GRM5: variants seen among roughly 807,000 people sequenced by gnomAD.
GRM5 encodes the protein metabotropic glutamate receptor 5.
In GRM5, 19 loss-of-function variants were observed where a neutral mutation model predicts 83.1. That is an observed-to-expected ratio of 0.23 (90% CI 0.16 to 0.34). GRM5 has a LOEUF of 0.34. Ranked by LOEUF, GRM5 falls within the 10% of genes least tolerant of loss-of-function variation. GRM5 has a pLI of 1.00. For synonymous variants in GRM5, 675 were observed against 633.6 expected, an observed-to-expected ratio of 1.07 and a Z score of -0.98; for missense variants, 1,160 against 1,588.3, an observed-to-expected ratio of 0.73 and a Z score of 4.58.
intron 2 of GRM5, among the ~76,000 whole-genome samples, chr11:89,022,942 G>A (rs990323451): frequency 3.3e-5 from 5 of 152,140 alleles, no homozygotes; most frequent in African/African-American, 1.2e-4. Flanking sequence ...TGTTTAAAAT[G>A]TCTCATCCCC....
chr11:88,908,879 T>C (rs1459379887), intron 2 of GRM5, among the ~76,000 whole-genome samples: 2 of 152,150 alleles, frequency 1.3e-5, no homozygotes, highest in East Asian at 1.9e-4. Flanking sequence ...TATATGCATA[T>C]GGTGGTCCCT....
intron 3 of GRM5, among the ~76,000 whole-genome samples, chr11:88,716,808 C>T (rs947889643): frequency 6.6e-6 from 1 of 151,310 alleles, no homozygotes; most frequent in Non-Finnish European, 1.5e-5. Context: ...TTGAGAAGTA[C>T]TTACCATTCT....
chr11:88,889,095 G>T (rs1305346378), intron 2 of GRM5, among the ~76,000 whole-genome samples: 2 of 152,162 alleles, frequency 1.3e-5, no homozygotes, highest in Non-Finnish European at 2.9e-5. Flanking sequence ...CAAGGGCAGG[G>T]TTTACAAAAT....
rs568831990 is a variant in GRM5 at position 88,905,276 on chromosome 11, G to C, written c.662-55121C>G. On this transcript the variant is annotated intron_variant, in intron 2 of 9. Transcript: ENST00000305447. ...GGTCGGAAAGCAGGAGCCTGCCAAA[G>C]AGCAAAAGATAGGCCCGTGTGGACA... Among the ~76,000 whole-genome samples, 3 of 152,288 alleles carry C rather than the reference G, an allele frequency of 2.0e-5. No individual in the cohort carries two copies. In the South Asian group the frequency reaches 6.2e-4, roughly 32 times the overall value.
rs77666337 is a variant in GRM5, at chr11:88,723,668, C to G, written c.912-70265G>C. 5.4e-3 allele frequency among the ~76,000 whole-genome samples: 824 copies of G among 152,068 alleles called. 12 individuals carry two copies. In the East Asian group the frequency reaches 0.061, roughly 11 times the overall value. On this transcript the variant is annotated intron_variant, in intron 3 of 9. Coordinates refer to ENST00000305447, the MANE Select transcript of GRM5 (RefSeq NM_001143831.3). ...TAACAACTTTTCACTGTGGAACATTCCTTCCCCTTATCATTGAGGTTTTAA... is the reference window on the plus strand; with the variant it reads ...TAACAACTTTTCACTGTGGAACATTGCTTCCCCTTATCATTGAGGTTTTAA...
At chr11:88,705,850 C>T (rs4491229) in intron 3 of GRM5, among the ~76,000 whole-genome samples, 28,072 of 151,894 alleles carry the variant, frequency 0.18, 5,060 homozygotes, top group African/African-American at 0.46. Flanking sequence ...CTCCATCTCT[C>T]AACTTATGAC....
At chr11:88,800,402 G>T (rs568760266) in intron 3 of GRM5, among the ~76,000 whole-genome samples, 1 of 137,624 alleles carries the variant, frequency 7.3e-6, no homozygotes. Flanking sequence ...TTCTTTCATG[G>T]TTCTACAGTA....
intron 1 of GRM5, among the ~76,000 whole-genome samples, chr11:89,059,654 G>A (rs1489549643): frequency 2.6e-5 from 4 of 152,112 alleles, no homozygotes; most frequent in African/African-American, 7.2e-5. Context: ...CCATAGGGCA[G>A]TTGAACATTA....
chr11:88,769,306 C>T (rs1016388558), intron 3 of GRM5, among the ~76,000 whole-genome samples: 8 of 151,996 alleles, frequency 5.3e-5, no homozygotes, highest in South Asian at 2.1e-4. Flanking sequence ...AGATATAGAT[C>T]GTTACATGTA....
At chr11:88,678,706 G>T (rs781735125) in intron 3 of GRM5, among the ~76,000 whole-genome samples, 6 of 152,076 alleles carry the variant, frequency 3.9e-5, no homozygotes, top group East Asian at 3.9e-4. Context: ...ACAATGGAAA[G>T]AAATATAATG....
At chr11:88,746,734 A>G (rs892392651) in intron 3 of GRM5, among the ~76,000 whole-genome samples, 1 of 152,188 alleles carries the variant, frequency 6.6e-6, no homozygotes, top group African/African-American at 2.4e-5. Flanking sequence ...ATATGCTAGA[A>G]TAGCTATTTT....
At chr11:88,716,025 T>TATCA (rs1234795927) in intron 3 of GRM5, among the ~76,000 whole-genome samples, 1 of 151,984 alleles carries the variant, frequency 6.6e-6, no homozygotes, top group South Asian at 2.1e-4. Context: ...TATGACTTTC[T>TATCA]ATCATTACAG....
At chr11:88,602,457 C>G (rs1163230845) in intron 5 of GRM5, among the ~76,000 whole-genome samples, 1 of 152,164 alleles carries the variant, frequency 6.6e-6, no homozygotes, top group Non-Finnish European at 1.5e-5. Flanking sequence ...TCTCAGCTTC[C>G]TCTGTTTAGG....
intron 2 of GRM5, among the ~76,000 whole-genome samples, chr11:88,965,033 C>A (rs1280221875): frequency 6.6e-6 from 1 of 152,062 alleles, no homozygotes; most frequent in Non-Finnish European, 1.5e-5. Flanking sequence ...ATATTATAAT[C>A]CAACTACATC....
At chr11:89,030,127 G>A (rs377723705) in intron 2 of GRM5, among the ~76,000 whole-genome samples, 10 of 152,072 alleles carry the variant, frequency 6.6e-5, no homozygotes, top group East Asian at 3.9e-4. Flanking sequence ...CAATGACAAC[G>A]GGTGCAATTA....
At chr11:88,976,048 T>C (rs140188252) in intron 2 of GRM5, among the ~76,000 whole-genome samples, 36 of 152,330 alleles carry the variant, frequency 2.4e-4, no homozygotes, top group Admixed American at 1.8e-3. Context: ...GCTTGTGAAA[T>C]TGCTTATTTG....
At chr11:89,030,059 A>G (rs960996507) in intron 2 of GRM5, among the ~76,000 whole-genome samples, 1 of 152,190 alleles carries the variant, frequency 6.6e-6, no homozygotes, top group Admixed American at 6.6e-5. Context: ...AACAACACAC[A>G]AAGCATGACA....
At chr11:88,828,124 G>C (rs1499184) in intron 3 of GRM5, among the ~76,000 whole-genome samples, 74,521 of 151,982 alleles carry the variant, frequency 0.49, 21,585 homozygotes, top group African/African-American at 0.77. Context: ...ACAGCAAGAA[G>C]ACCACTGTGG....
At chr11:88,832,234 CTA>C (rs1944008199) in intron 3 of GRM5, among the ~76,000 whole-genome samples, 1 of 152,248 alleles carries the variant, frequency 6.6e-6, no homozygotes, top group Non-Finnish European at 1.5e-5. Context: ...AATTTAAAGA[CTA>C]TACCAAAAAC....
Sources: allele counts gnomAD v4.1 joint callset (sites outside exome capture counted in the v4.1 genomes callset), GRCh38; gene constraint gnomAD v4.1.1; transcripts MANE v1.5; gene names NCBI Gene and HGNC (gene_info 2026-07-23, HGNC 2026-07-21).